Variants in DYNC2LI1 observed in about 807,000 individuals in gnomAD.
DYNC2LI1 encodes cytoplasmic dynein 2 light intermediate chain 1.
In DYNC2LI1, 45 loss-of-function variants were observed where a neutral mutation model predicts 51.9. The ratio of observed to expected loss-of-function variants is 0.87; its 90% CI spans 0.68 to 1.11. DYNC2LI1 has a LOEUF of 1.11. Among genes scored for constraint, DYNC2LI1 ranks in the 50% most tolerant of loss-of-function variants. The pLI, the probability that DYNC2LI1 is intolerant of heterozygous loss-of-function variation, is 0.00. For synonymous variants in DYNC2LI1, 130 were observed against 137.8 expected (o/e 0.94, Z 0.40); for missense variants, 490 against 417.4 (o/e 1.17, Z -1.51).
At chr2:43,809,664 A>G (rs776748108) in intron 12 of DYNC2LI1, 41 bp from the exon 13 acceptor site, 1 of 1,477,782 alleles carries the variant, frequency 6.8e-7, no homozygotes, top group South Asian at 1.2e-5. Context: ...TTGAATTAGT[A>G]AAGTTGATTT....
intron 4 of DYNC2LI1, among the ~76,000 whole-genome samples, chr2:43,787,455 A>G (rs904173671): frequency 3.3e-5 from 5 of 152,216 alleles, no homozygotes; most frequent in African/African-American, 4.8e-5. Flanking sequence ...CTCATTTATT[A>G]TGTCTTAAAA....
In DYNC2LI1 at chr2:43,780,825, A is replaced by G. The variant is rs115772510; in HGVS notation, c.127-2695A>G. On this transcript the variant is annotated intron_variant, in intron 2 of 12. Transcript: ENST00000260605. ...CTGGACATCTGGGGCGATTGAGGCA[A>G]TGGGAGGGAAGATGGGATTCATTTT... 5.7e-3 allele frequency among the ~76,000 whole-genome samples: 865 copies of G among 152,240 alleles called. 16 individuals carry two copies. The highest frequency in any genetic ancestry group is 0.02 in the African/African-American group (817 of 41,538).
intron 2 of DYNC2LI1, among the ~76,000 whole-genome samples, chr2:43,777,669 A>G (rs1440708969): frequency 2.0e-5 from 3 of 152,234 alleles, no homozygotes; most frequent in African/African-American, 7.2e-5. Flanking sequence ...CGAAGCTTTC[A>G]GAAACTACAC....
chr2:43,805,367 A>G, intron 12 of DYNC2LI1, 121 bp downstream of exon 12: 1 of 549,794 alleles, frequency 1.8e-6, no homozygotes, highest in Non-Finnish European at 3.2e-6. Flanking sequence ...TACTATTAAA[A>G]TTATTTAAGT....
At chr2:43,783,459 A>G (rs968088914) in intron 2 of DYNC2LI1, 61 bp from the exon 3 acceptor site, 31 of 1,265,806 alleles carry the variant, frequency 2.4e-5, no homozygotes, top group Non-Finnish European at 3.4e-5. Flanking sequence ...ATTACGAACA[A>G]TAATACAATT....
the DYNC2LI1 span, among the ~76,000 whole-genome samples, chr2:43,817,638 G>A: frequency 1.7e-3 from 255 of 150,502 alleles, 1 homozygote; most frequent in African/African-American, 6.0e-3. Flanking sequence ...GGCCAGACGC[G>A]GTGGCTCACG....
At chr2:43,823,101 T>A in the DYNC2LI1 span, among the ~76,000 whole-genome samples, 1 of 122,682 alleles carries the variant, frequency 8.2e-6, no homozygotes, top group Non-Finnish European at 1.8e-5. Context: ...GGACAATAAA[T>A]CCCCACCCCG....
chr2:43,823,281 A>G, the DYNC2LI1 span, among the ~76,000 whole-genome samples: 30 of 85,856 alleles, frequency 3.5e-4, no homozygotes, highest in Admixed American at 1.3e-3. Context: ...CCCCCACCCC[A>G]CCCCGCCCCC....
At chr2:43,824,921 C>A in the DYNC2LI1 span, 2 of 1,614,094 alleles carry the variant, frequency 1.2e-6, no homozygotes, top group Non-Finnish European at 1.7e-6. Context: ...ATGTTCAGGA[C>A]AAGGGTAACC....
intron 3 of DYNC2LI1, among the ~76,000 whole-genome samples, chr2:43,785,733 A>ATG (rs1673496568): frequency 1.3e-5 from 2 of 151,800 alleles, no homozygotes; most frequent in African/African-American, 2.4e-5. Context: ...AATAAAATAT[A>ATG]TATAGTATGA....
chr2:43,813,708 CGTTTT>C (rs1328264060), downstream of DYNC2LI1, among the ~76,000 whole-genome samples: 1,540 of 35,348 alleles, frequency 0.044, 44 homozygotes, highest in African/African-American at 0.12. Flanking sequence ...TTTTTTTTTT[CGTTTT>C]TTTTTTTTTT....
chr2:43,793,972 C>G (rs1040289786), intron 5 of DYNC2LI1: 7 of 153,490 alleles, frequency 4.6e-5, no homozygotes, highest in Non-Finnish European at 8.7e-5. Flanking sequence ...GACTTCTAAT[C>G]TATAAAATGG....
the DYNC2LI1 span, chr2:43,824,268 T>G: frequency 6.2e-7 from 1 of 1,614,250 alleles, no homozygotes; most frequent in Non-Finnish European, 8.5e-7. Context: ...TCTTTGGTTT[T>G]GAAAGGAACC....
intron 3 of DYNC2LI1, among the ~76,000 whole-genome samples, chr2:43,786,025 C>T (rs1558671874): frequency 6.6e-6 from 1 of 152,002 alleles, no homozygotes; most frequent in Non-Finnish European, 1.5e-5. Flanking sequence ...TGCTTACCAG[C>T]AATATAAGCT....
chr2:43,824,784 C>A, the DYNC2LI1 span: 2 of 1,552,252 alleles, frequency 1.3e-6, no homozygotes, highest in Non-Finnish European at 1.8e-6. Flanking sequence ...AACACAAAAA[C>A]AAAAGCAAAA....
intron 2 of DYNC2LI1, 84 bp from the exon 3 acceptor site, chr2:43,783,436 A>T: frequency 9.7e-7 from 1 of 1,032,156 alleles, no homozygotes; most frequent in East Asian, 2.7e-5. Flanking sequence ...TTAAAAATCT[A>T]TTTTGGGCCA....
chr2:43,807,589 A>G lies in DYNC2LI1; in HGVS notation c.994-2116A>G, dbSNP rs191354866. On this transcript the variant is annotated intron_variant, in intron 12 of 12. Coordinates refer to ENST00000260605, the MANE Select transcript of DYNC2LI1 (RefSeq NM_016008.4). ...CAAGTAGCTGGGACTACAGGCACACATCACCATGCCCGGGTAATTTTTTTG... is the reference window on the plus strand; with the variant it reads ...CAAGTAGCTGGGACTACAGGCACACGTCACCATGCCCGGGTAATTTTTTTG... Among the ~76,000 whole-genome samples the G allele has an allele frequency of 3.0e-4, 45 of 151,926 alleles. 1 individual carries two copies. Among genetic ancestry groups the G allele is most frequent in the Non-Finnish European group, 2.9e-5 (2 of 67,946 alleles).
chr2:43,813,924 G>A (rs961968168), downstream of DYNC2LI1, among the ~76,000 whole-genome samples: 5 of 151,396 alleles, frequency 3.3e-5, no homozygotes, highest in East Asian at 1.9e-4. Context: ...TTGCCACGTC[G>A]GCCAGGCTGG....
intron 5 of DYNC2LI1, chr2:43,792,677 T>A: frequency 6.5e-7 from 1 of 1,544,052 alleles, no homozygotes; most frequent in Non-Finnish European, 8.7e-7. Context: ...CTTCCCCAGC[T>A]CCTGGCAACT....
Sources: gnomAD v4.1 joint callset for allele counts (sites outside exome capture counted in the v4.1 genomes callset) on GRCh38, gnomAD v4.1.1 for gene constraint, MANE v1.5 for transcripts, NCBI Gene and HGNC (gene_info 2026-07-23, HGNC 2026-07-21) for gene names.